Variants in MOV10L1 observed in about 807,000 individuals in gnomAD.
MOV10L1 encodes the protein Mov10 like RNA helicase 1.
A neutral mutation model predicts 143.8 loss-of-function variants in MOV10L1; 110 were observed. That is an observed-to-expected ratio of 0.76 (90% CI 0.66 to 0.90). The LOEUF is 0.90. MOV10L1 is among the 40% of genes least tolerant of loss of function. The pLI is 0.00. For missense variants in MOV10L1, 1,406 were observed against 1,526.8 expected (o/e 0.92, Z 1.32); for synonymous variants, 593 against 581.1 (o/e 1.02, Z -0.29).
At position 50,142,249 on chromosome 22, in the gene MOV10L1, G is replaced by C. The variant is rs2063010115; in HGVS notation, c.2179+60G>C. 6 of 1,395,132 alleles carry C rather than the reference G, an allele frequency of 4.3e-6. No individual in the cohort carries two copies. In the South Asian group the frequency reaches 7.7e-5, roughly 18 times the overall value. 86.4% of individuals were successfully genotyped at this position (1,395,132 alleles called of 1,614,324 possible). Reference sequence around the variant, plus strand: ...TCTGAGACTGTCGCCTGGAAAACGGGGACTTTGAGGAGTGGGCTCTCATGC... The same window carrying C: ...TCTGAGACTGTCGCCTGGAAAACGGCGACTTTGAGGAGTGGGCTCTCATGC... On this transcript the variant is annotated intron_variant, in intron 16 of 26. Coordinates refer to ENST00000262794, the MANE Select transcript of MOV10L1 (RefSeq NM_018995.3).
chr22:50,149,458 C>T (rs940272263), intron 19 of MOV10L1, 157 bp from the exon 20 acceptor site: 4 of 639,100 alleles, frequency 6.3e-6, no homozygotes, highest in Admixed American at 2.8e-5. Context: ...CCTGTCCTCC[C>T]TCCAGCCGGG....
intron 12 of MOV10L1, among the ~76,000 whole-genome samples, chr22:50,127,305 A>G (rs898712022): frequency 2.0e-5 from 3 of 152,200 alleles, no homozygotes; most frequent in African/African-American, 7.2e-5. Context: ...CCTCCATGCC[A>G]TTGATCAAAC....
chr22:50,106,794 C>T (rs4838833), intron 3 of MOV10L1, among the ~76,000 whole-genome samples: 33,558 of 150,318 alleles, frequency 0.22, 4,095 homozygotes, highest in Admixed American at 0.35. Context: ...CTCTGCCTCC[C>T]GGGTTCATGC....
rs752802072 is a variant in MOV10L1 at position 50,159,616 on chromosome 22, AAAAG to A, written c.3217-58_3217-55del. 20 of 1,176,112 alleles carry A rather than the reference AAAAG, an allele frequency of 1.7e-5. No homozygotes were observed. Among genetic ancestry groups the A allele is most frequent in the Non-Finnish European group, 2.3e-5 (19 of 822,854 alleles). 72.9% of individuals were successfully genotyped at this position (1,176,112 alleles called of 1,614,324 possible). A position where few individuals can be genotyped will look rare whatever the true frequency, so the allele number is the denominator to read the frequency against. On this transcript the variant is annotated intron_variant, in intron 23 of 26. Transcript: ENST00000262794. The surrounding 1 kb of genome is among the most constrained non-coding windows in gnomAD (Gnocchi z 4.1). The stretch of plus-strand genomic sequence containing the variant: ...TACTCCATCTCAAAAAAAAAAAAGG[AAAAG>A]AAAAGAAATGGATTTGTACAGTGTT...
At chr22:50,122,633 C>T (rs2147202363) in intron 10 of MOV10L1, among the ~76,000 whole-genome samples, 1 of 152,248 alleles carries the variant, frequency 6.6e-6, no homozygotes, top group South Asian at 2.1e-4. Flanking sequence ...AGTTCCTGAT[C>T]TTATGGGAAA....
At position 50,116,472 on chromosome 22, in the gene MOV10L1, G is replaced by A. The variant is rs180787206; in HGVS notation, c.1260-685G>A. ...AAAAAAAAAAAAAAAGCCATAGGGG[G>A]GCACAAAGTGTAGTGTGGATGATGT... On this transcript the variant is annotated intron_variant, in intron 8 of 26. Transcript: ENST00000262794. Among the ~76,000 whole-genome samples the A allele has an allele frequency of 4.1e-3, 627 of 151,716 alleles. 7 individuals are homozygous for A. Among genetic ancestry groups the A allele is most frequent in the African/African-American group, 0.014 (583 of 41,394 alleles).
chr22:50,134,244 ATAAC>A (rs1356447679), intron 14 of MOV10L1, among the ~76,000 whole-genome samples, 179 bp downstream of exon 14: 2 of 152,240 alleles, frequency 1.3e-5, no homozygotes, highest in African/African-American at 2.4e-5. Flanking sequence ...AACTTAGTGA[ATAAC>A]TAATAATAGC....
chr22:50,103,972 C>T (rs907185896), intron 3 of MOV10L1, among the ~76,000 whole-genome samples: 4 of 152,148 alleles, frequency 2.6e-5, no homozygotes, highest in African/African-American at 9.7e-5. Context: ...AATTATACAA[C>T]TCACCATAAC....
chr22:50,115,763 T>G (rs868072643), intron 8 of MOV10L1, among the ~76,000 whole-genome samples: 2 of 152,152 alleles, frequency 1.3e-5, no homozygotes, highest in East Asian at 3.9e-4. Context: ...TCCCTGTGCT[T>G]CTGCTGTTCT....
At chr22:50,131,217 C>A in intron 13 of MOV10L1, among the ~76,000 whole-genome samples, 1 of 152,112 alleles carries the variant, frequency 6.6e-6, no homozygotes, top group East Asian at 1.9e-4. Context: ...CACTGAACAT[C>A]TTTTTATGTG....
At chr22:50,150,592 C>T (rs529945195) in intron 20 of MOV10L1, 143 bp from the exon 21 acceptor site, 2 of 932,144 alleles carry the variant, frequency 2.1e-6, no homozygotes, top group Non-Finnish European at 1.6e-6. Flanking sequence ...TCGGCATTCC[C>T]TGGTCTCCCA....
At position 50,158,573 on chromosome 22, in the gene MOV10L1, G is replaced by A. The variant is rs1207296796; in HGVS notation, c.3216+367G>A. ...ATTTGAATGGGACGCTTCTCATTTCGTATGACTCTGTGATGTGATTATAGG... is the reference window on the plus strand; with the variant it reads ...ATTTGAATGGGACGCTTCTCATTTCATATGACTCTGTGATGTGATTATAGG... On this transcript the variant is annotated intron_variant, in intron 23 of 26. Coordinates refer to ENST00000262794, the MANE Select transcript of MOV10L1 (RefSeq NM_018995.3). This position sits in a 1 kb window ranked among gnomAD's most constrained non-coding sequence, Gnocchi z 5.0. The A allele has an allele frequency of 1.4e-5, 3 of 218,408 alleles. No individual in the cohort carries two copies. Among genetic ancestry groups the A allele is most frequent in the Non-Finnish European group, 2.7e-5 (3 of 109,324 alleles). 13.5% of individuals were successfully genotyped at this position (218,408 alleles called of 1,614,324 possible).
chr22:50,090,770 G>C (rs2062414389), intron 1 of MOV10L1: 2 of 446,690 alleles, frequency 4.5e-6, no homozygotes, highest in Admixed American at 7.2e-5. Context: ...TCCGCCTTCT[G>C]GGTTCAAGTG....
chr22:50,141,981 A>G (rs1440016286), intron 15 of MOV10L1, 100 bp from the exon 16 acceptor site: 4 of 810,494 alleles, frequency 4.9e-6, no homozygotes, highest in South Asian at 4.0e-5. Flanking sequence ...TTAAATAAAT[A>G]TACTAAGTAG....
chr22:50,154,574 C>A (rs1298612352), intron 22 of MOV10L1, among the ~76,000 whole-genome samples: 1 of 151,896 alleles, frequency 6.6e-6, no homozygotes, highest in Non-Finnish European at 1.5e-5. Context: ...ACTCTAAAAA[C>A]TATATAAATA....
intron 7 of MOV10L1, 137 bp from the exon 8 acceptor site, chr22:50,114,977 C>A: frequency 1.0e-6 from 1 of 967,146 alleles, no homozygotes; most frequent in Non-Finnish European, 1.5e-6. Context: ...CAGCCACCAC[C>A]TGAGGCTTTG....
rs71198226 is a variant in MOV10L1 at position 50,152,137 on chromosome 22, AACAG to A, written c.2893-903_2893-900del. On this transcript the variant is annotated intron_variant, in intron 21 of 26. Coordinates refer to ENST00000262794, the MANE Select transcript of MOV10L1 (RefSeq NM_018995.3). The surrounding 1 kb of genome is among the most constrained non-coding windows in gnomAD (Gnocchi z 4.4). ...CTCGTGCCAGTGTCATCTGGCGAGTAACAGACAGCACTGCAGGAACACAGGTTTT... is the reference window on the plus strand; with the variant it reads ...CTCGTGCCAGTGTCATCTGGCGAGTAACAGCACTGCAGGAACACAGGTTTT... Among the ~76,000 whole-genome samples the A allele has an allele frequency of 0.13, 19,281 of 152,206 alleles. 1,470 individuals carry two copies. Among genetic ancestry groups the A allele is most frequent in the Admixed American group, 0.21 (3,223 of 15,278 alleles).
intron 1 of MOV10L1, 179 bp downstream of exon 1, chr22:50,090,364 C>A: frequency 6.6e-7 from 1 of 1,526,624 alleles, no homozygotes; most frequent in South Asian, 1.2e-5. Flanking sequence ...GACCCCACAG[C>A]ATCCCGCCGC....
rs766168454 is a variant in MOV10L1 at position 50,152,689 on chromosome 22, T to A, written c.2893-356T>A. On this transcript the variant is annotated intron_variant, in intron 21 of 26. Coordinates refer to ENST00000262794, the MANE Select transcript of MOV10L1 (RefSeq NM_018995.3). The surrounding 1 kb of genome is among the most constrained non-coding windows in gnomAD (Gnocchi z 4.4). ...GGCCAACAAGATGCTGTTTCCAGGGTGAAGCTCTCAGCACACGAGGGAGGC... is the reference window on the plus strand; with the variant it reads ...GGCCAACAAGATGCTGTTTCCAGGGAGAAGCTCTCAGCACACGAGGGAGGC... 6.6e-6 allele frequency among the ~76,000 whole-genome samples: 1 copy of A among 151,878 alleles called. No individual in the cohort carries two copies. Among genetic ancestry groups the A allele is most frequent in the Non-Finnish European group, 1.5e-5 (1 of 67,936 alleles).
Sources: gnomAD v4.1 joint callset for allele counts (sites outside exome capture counted in the v4.1 genomes callset) on GRCh38, gnomAD v4.1.1 for gene constraint, Gnocchi (gnomAD v3.1) non-coding constraint, MANE v1.5 for transcripts, NCBI Gene and HGNC (gene_info 2026-07-23, HGNC 2026-07-21) for gene names.